Variants in C5 observed in about 807,000 individuals in gnomAD.
C5 encodes the protein complement C5.
Under a neutral mutation model 218.8 loss-of-function variants are expected in C5, and 140 were observed. That is an observed-to-expected ratio of 0.64 (90% CI 0.56 to 0.74). C5 has a LOEUF of 0.74. C5 is among the 30% of genes least tolerant of loss of function. C5 has a pLI of 0.00. For synonymous variants in C5, 614 were observed against 682.3 expected (o/e 0.90, Z 1.56); for missense variants, 1,700 against 1,969.6 (o/e 0.86, Z 2.59).
At chr9:120,993,635 G>A (rs930717029) in intron 22 of C5, among the ~76,000 whole-genome samples, 1 of 152,114 alleles carries the variant, frequency 6.6e-6, no homozygotes, top group East Asian at 1.9e-4. Flanking sequence ...TTTTAGCCAG[G>A]ATGGTCTCGA....
chr9:120,960,479 T>A (rs1161038516), intron 37 of C5, 142 bp from the exon 38 acceptor site: 1 of 651,340 alleles, frequency 1.5e-6, no homozygotes, highest in Non-Finnish European at 2.8e-6. Context: ...CTGCCCATTT[T>A]CTTTTCTTTC....
intron 20 of C5, among the ~76,000 whole-genome samples, chr9:120,999,368 G>T (rs543530987): frequency 1.6e-4 from 25 of 152,302 alleles, no homozygotes; most frequent in African/African-American, 5.5e-4. Flanking sequence ...CTGAGGGCAG[G>T]TCCCATTGGT....
At chr9:120,953,695 G>T in intron 40 of C5, 35 bp downstream of exon 40, 2 of 1,608,042 alleles carry the variant, frequency 1.2e-6, no homozygotes, top group South Asian at 2.2e-5. Flanking sequence ...AGTTTTGGAG[G>T]GAAGATCAGT....
chr9:121,056,779 T>C, the C5 span, among the ~76,000 whole-genome samples: 3 of 150,874 alleles, frequency 2.0e-5, no homozygotes, highest in Non-Finnish European at 4.4e-5. Flanking sequence ...AAAGGGGATG[T>C]AGAGAGAGAG....
In C5 at chr9:120,953,715, A is replaced by C. The variant is rs2046764216; in HGVS notation, c.4901+15T>G. The C allele has an allele frequency of 6.2e-7, 1 of 1,613,744 alleles. No individual in the cohort carries two copies. The highest frequency in any genetic ancestry group is 8.5e-7 in the Non-Finnish European group (1 of 1,179,636). On this transcript the variant is annotated intron_variant, in intron 40 of 40. Coordinates refer to ENST00000223642, the MANE Select transcript of C5 (RefSeq NM_001735.3). The stretch of plus-strand genomic sequence containing the variant: ...TGGAGGGAAGATCAGTGACTGAAAA[A>C]TATTGGTGACTTACCTGAAACTGAA...
chr9:120,953,012 C>T lies in C5; in HGVS notation c.4902-144G>A, dbSNP rs41314045. On this transcript the variant is annotated intron_variant, in intron 40 of 40. Coordinates refer to ENST00000223642, the MANE Select transcript of C5 (RefSeq NM_001735.3). ...GATCTCAGCTCACTGCAAGCTCTGC[C>T]TCTCGGGTTCACGCCATTCTCCTGC... 2.5e-3 allele frequency: 2,000 copies of T among 787,412 alleles called. 36 individuals carry two copies. The African/African-American group carries it at 0.031, about 12-fold the overall frequency. 48.8% of individuals were successfully genotyped at this position (787,412 alleles called of 1,614,324 possible).
At chr9:121,069,982 T>G in the C5 span, among the ~76,000 whole-genome samples, 897 of 152,286 alleles carry the variant, frequency 5.9e-3, 10 homozygotes, top group African/African-American at 0.02. Flanking sequence ...CAAAGACACG[T>G]CTGCATCCCC....
chr9:120,982,227 G>C (rs911758798), intron 26 of C5, among the ~76,000 whole-genome samples: 9 of 152,206 alleles, frequency 5.9e-5, no homozygotes, highest in Non-Finnish European at 1.0e-4. Flanking sequence ...GACCAGGCTG[G>C]TTTTGAACTC....
the C5 span, among the ~76,000 whole-genome samples, chr9:121,068,223 T>C: frequency 3.9e-5 from 6 of 152,204 alleles, no homozygotes; most frequent in African/African-American, 9.6e-5. Flanking sequence ...TAATTCTATA[T>C]GTAGAAAACC....
rs529996587 is a variant in C5, at chr9:121,040,145, C to T, written c.422-2194G>A. 3.3e-5 allele frequency among the ~76,000 whole-genome samples: 5 copies of T among 152,278 alleles called. 1 individual carries two copies. Among genetic ancestry groups the T allele is most frequent in the South Asian group, 2.1e-4 (1 of 4,826 alleles). On this transcript the variant is annotated intron_variant, in intron 3 of 40. Coordinates refer to ENST00000223642, the MANE Select transcript of C5 (RefSeq NM_001735.3). ...GATTTGAAGAGGTCAGGGAAATCAG[C>T]GAAAGCTGCCTTTAGAAGGATCTGT...
the C5 span, among the ~76,000 whole-genome samples, chr9:121,071,497 C>G: frequency 6.6e-6 from 1 of 152,086 alleles, no homozygotes; most frequent in South Asian, 2.1e-4. Context: ...CCAGCCTGGG[C>G]AACACAGCAA....
chr9:120,978,299 T>A (rs1021077574), intron 28 of C5, among the ~76,000 whole-genome samples: 9 of 152,210 alleles, frequency 5.9e-5, no homozygotes, highest in African/African-American at 2.2e-4. Flanking sequence ...GTAAAAATTT[T>A]GATGTGTATG....
At chr9:121,018,694 G>A (rs891386277) in intron 12 of C5, among the ~76,000 whole-genome samples, 1 of 116,362 alleles carries the variant, frequency 8.6e-6, no homozygotes, top group Non-Finnish European at 1.7e-5. Flanking sequence ...GAGGGAGGGA[G>A]GGAAAGAAAG....
chr9:121,068,139 A>G, the C5 span, among the ~76,000 whole-genome samples: 1 of 152,242 alleles, frequency 6.6e-6, no homozygotes, highest in East Asian at 1.9e-4. Flanking sequence ...AAGTGCAATT[A>G]GATAAGAAAA....
At chr9:120,991,399 T>C (rs898704761) in intron 22 of C5, 119 bp from the exon 23 acceptor site, 1 of 665,172 alleles carries the variant, frequency 1.5e-6, no homozygotes, top group Non-Finnish European at 2.7e-6. Context: ...AATTAGACTA[T>C]TAAAATTTTA....
chr9:120,976,798 G>GT lies in C5; in HGVS notation c.3765dup (p.Leu1256ThrfsTer13), dbSNP rs1278909239. ...ATATCTTTCAAGTTCAGACTGGTGA[G>GT]TAAAGCATAGGCAGTTGTTTCTACC... On this transcript the variant is annotated frameshift_variant, in exon 29 of 41. Transcript: ENST00000223642. LOFTEE classifies it high-confidence loss of function. The GT allele has an allele frequency of 6.2e-7, 1 of 1,614,052 alleles. No individual in the cohort carries two copies. The highest frequency in any genetic ancestry group is 2.2e-5 in the East Asian group (1 of 44,886).
intron 25 of C5, among the ~76,000 whole-genome samples, chr9:120,984,824 C>T (rs1297594589): frequency 1.4e-5 from 2 of 146,768 alleles, no homozygotes; most frequent in Non-Finnish European, 3.0e-5. Flanking sequence ...CAGGTTCAAG[C>T]GATTCTCCTG....
intron 30 of C5, among the ~76,000 whole-genome samples, chr9:120,972,328 C>T (rs2046920950): frequency 6.6e-6 from 1 of 152,168 alleles, no homozygotes; most frequent in Non-Finnish European, 1.5e-5. Context: ...GAATAAATTC[C>T]TTTCTGTGCC....
chr9:121,005,903 A>G lies in C5; in HGVS notation c.2562+16T>C, dbSNP rs550569347. On this transcript the variant is annotated intron_variant, in intron 20 of 40. Coordinates refer to ENST00000223642, the MANE Select transcript of C5 (RefSeq NM_001735.3). Reference sequence around the variant, plus strand: ...AGAATGTTTCCTTTATCCCATAAATATTAACACCTACTTACCTGCATCCCA... The same window carrying G: ...AGAATGTTTCCTTTATCCCATAAATGTTAACACCTACTTACCTGCATCCCA... 6 of 1,612,436 alleles carry G rather than the reference A, an allele frequency of 3.7e-6. No homozygotes were observed. Among genetic ancestry groups the G allele is most frequent in the African/African-American group, 2.7e-5 (2 of 75,030 alleles).
Sources: allele counts gnomAD v4.1 joint callset (sites outside exome capture counted in the v4.1 genomes callset), GRCh38; gene constraint gnomAD v4.1.1; transcripts MANE v1.5; gene names NCBI Gene and HGNC (gene_info 2026-07-23, HGNC 2026-07-21).